The following RGS7 variants were observed in gnomAD, a reference collection of about 807,000 sequenced individuals.
RGS7 encodes regulator of G-protein signaling 7.
RGS7 carries 27 observed loss-of-function variants against 81.1 expected under a neutral mutation model. That is an observed-to-expected ratio of 0.33 (90% CI 0.25 to 0.46). The LOEUF is 0.46. Ranked by LOEUF, RGS7 falls within the 20% of genes least tolerant of loss-of-function variation. The pLI, the probability that RGS7 is intolerant of heterozygous loss-of-function variation, is 1.00. For missense variants in RGS7, 396 were observed against 607.4 expected, an observed-to-expected ratio of 0.65 and a Z score of 3.66; for synonymous variants, 208 against 207.7, an observed-to-expected ratio of 1.00 and a Z score of -0.01.
Position 240,923,045 on chromosome 1 carries a change from C to A in RGS7, c.385+7672G>T, listed in dbSNP as rs189958193. ...AAAAGCAATGAAATATCCTGCCATG[C>A]AAAGACATGGAGAAACTATAACAAA... On this transcript the variant is annotated intron_variant, in intron 6 of 18. Coordinates refer to ENST00000440928, the MANE Select transcript of RGS7 (RefSeq NM_001364886.1). Among the ~76,000 whole-genome samples the A allele has an allele frequency of 2.4e-4, 37 of 152,100 alleles. 1 individual carries two copies. The East Asian group carries it at 2.9e-3, about 12-fold the overall frequency.
At chr1:240,912,505 G>A (rs1291459795) in intron 6 of RGS7, among the ~76,000 whole-genome samples, 1 of 152,040 alleles carries the variant, frequency 6.6e-6, no homozygotes, top group Non-Finnish European at 1.5e-5. Context: ...ATTGTCACAG[G>A]CAAGTCAGGG....
intron 14 of RGS7, among the ~76,000 whole-genome samples, chr1:240,807,788 A>G (rs1424080376): frequency 1.3e-5 from 2 of 152,100 alleles, no homozygotes; most frequent in Non-Finnish European, 2.9e-5. Context: ...TAATCCCAGC[A>G]CTTTGGGAGG....
chr1:240,831,460 C>T (rs906271271), intron 9 of RGS7, among the ~76,000 whole-genome samples: 2 of 152,010 alleles, frequency 1.3e-5, no homozygotes, highest in East Asian at 1.9e-4. Flanking sequence ...ATCTAATTGT[C>T]GGATCTTGTG....
intron 2 of RGS7, among the ~76,000 whole-genome samples, chr1:241,217,266 AC>A (rs1250178384): frequency 6.6e-6 from 1 of 151,908 alleles, no homozygotes; most frequent in Non-Finnish European, 1.5e-5. Flanking sequence ...CCAGGAAGGG[AC>A]CCCCTCACCA....
At chr1:241,212,660 A>G (rs945212595) in intron 2 of RGS7, among the ~76,000 whole-genome samples, 2 of 152,136 alleles carry the variant, frequency 1.3e-5, no homozygotes, top group Non-Finnish European at 2.9e-5. Context: ...ATTCAGACCC[A>G]TCTCTCATTT....
rs1254122311 is a variant in RGS7 at position 241,163,908 on chromosome 1, T to C, written c.79-65146A>G. Among the ~76,000 whole-genome samples, 3 of 152,182 alleles carry C rather than the reference T, an allele frequency of 2.0e-5. No homozygotes were observed. Among genetic ancestry groups the C allele is most frequent in the African/African-American group, 7.2e-5 (3 of 41,456 alleles). On this transcript the variant is annotated intron_variant, in intron 2 of 18. Coordinates refer to ENST00000440928, the MANE Select transcript of RGS7 (RefSeq NM_001364886.1). The surrounding 1 kb of genome is among the most constrained non-coding windows in gnomAD (Gnocchi z 4.6). ...AATTCAGTTCCACTCTGACACTCTC[T>C]TCCTGGAGATAGCGTCAGATCCCAC... is the stretch of plus-strand genomic sequence containing the variant.
At chr1:241,228,024 GA>G (rs893228248) in intron 2 of RGS7, among the ~76,000 whole-genome samples, 3 of 152,176 alleles carry the variant, frequency 2.0e-5, no homozygotes, top group Non-Finnish European at 4.4e-5. Context: ...AGGTGGTGGT[GA>G]AAGTGACACT....
At chr1:241,175,128 G>A (rs965641686) in intron 2 of RGS7, among the ~76,000 whole-genome samples, 12 of 151,814 alleles carry the variant, frequency 7.9e-5, no homozygotes, top group Non-Finnish European at 1.6e-4. Context: ...GGTCTCGAAT[G>A]CCTGACCTCG....
In RGS7 at chr1:240,778,593, C is replaced by T. The variant is rs149051208; in HGVS notation, c.*7-2380G>A. ...CCGTCGTCAGGCTGAAGTGCAGTGG[C>T]GAAATCTCGGCTCACTGCAACCTGC... On this transcript the variant is annotated intron_variant, in intron 18 of 18. Coordinates refer to ENST00000440928, the MANE Select transcript of RGS7 (RefSeq NM_001364886.1). Among the ~76,000 whole-genome samples the T allele has an allele frequency of 3.6e-3, 546 of 152,272 alleles. 3 individuals carry two copies. Among genetic ancestry groups the T allele is most frequent in the African/African-American group, 0.012 (497 of 41,568 alleles).
chr1:241,264,006 T>C (rs1297397274), intron 2 of RGS7, among the ~76,000 whole-genome samples: 1 of 152,186 alleles, frequency 6.6e-6, no homozygotes, highest in East Asian at 1.9e-4. Flanking sequence ...TTATAAGAAA[T>C]AATTGATAAT....
At chr1:241,160,213 G>T (rs1363487731) in intron 2 of RGS7, among the ~76,000 whole-genome samples, 1 of 151,648 alleles carries the variant, frequency 6.6e-6, no homozygotes, top group Non-Finnish European at 1.5e-5. Context: ...CTTTGGAAAA[G>T]AAATATTCCA....
chr1:241,319,928 T>C (rs1399234501), intron 2 of RGS7, among the ~76,000 whole-genome samples: 2 of 151,848 alleles, frequency 1.3e-5, no homozygotes, highest in Admixed American at 6.6e-5. Flanking sequence ...CCGTCTCTAC[T>C]AAAAATGCAA....
chr1:240,940,994 T>G (rs1180511157), intron 4 of RGS7, among the ~76,000 whole-genome samples: 1 of 152,238 alleles, frequency 6.6e-6, no homozygotes, highest in African/African-American at 2.4e-5. Context: ...CCTTCCTTTT[T>G]TGAGGTACAA....
intron 2 of RGS7, among the ~76,000 whole-genome samples, chr1:241,135,599 G>A (rs1256795529): frequency 6.6e-6 from 1 of 152,102 alleles, no homozygotes; most frequent in Non-Finnish European, 1.5e-5. Flanking sequence ...GGTTTACCTA[G>A]GGAGAAAGGA....
chr1:241,039,250 G>A lies in RGS7; in HGVS notation c.176-56121C>T, dbSNP rs536404545. 9.8e-5 allele frequency among the ~76,000 whole-genome samples: 15 copies of A among 152,306 alleles called. No individual in the cohort carries two copies. In the East Asian group the frequency reaches 2.9e-3, roughly 29 times the overall value. ...CTTTTCCTAATTGGAATTTATTAGT[G>A]TGCTTAACCTTTCTCTACTGTGGGA... is the stretch of plus-strand genomic sequence containing the variant. On this transcript the variant is annotated intron_variant, in intron 3 of 18. Coordinates refer to ENST00000440928, the MANE Select transcript of RGS7 (RefSeq NM_001364886.1).
At chr1:241,041,848 G>T (rs1257458607) in intron 3 of RGS7, among the ~76,000 whole-genome samples, 1 of 145,192 alleles carries the variant, frequency 6.9e-6, no homozygotes, top group African/African-American at 2.9e-5. Flanking sequence ...CTACCTTTGA[G>T]AACTAGGTTC....
intron 2 of RGS7, among the ~76,000 whole-genome samples, chr1:241,304,555 G>T (rs1255824191): frequency 6.6e-6 from 1 of 152,056 alleles, no homozygotes; most frequent in Non-Finnish European, 1.5e-5. Flanking sequence ...GCTACAGCTG[G>T]GTATAAAAGC....
At chr1:241,089,057 CTCTCTCTATATATATATATATATA>C (rs1274334022) in intron 3 of RGS7, among the ~76,000 whole-genome samples, 1 of 48,632 alleles carries the variant, frequency 2.1e-5, no homozygotes, top group African/African-American at 1.1e-4. Context: ...CTCTCTCTCT[CTCTCTCTATATATATATATATATA>C]TATATATATA....
At chr1:241,000,512 C>T (rs1687966163) in intron 3 of RGS7, among the ~76,000 whole-genome samples, 1 of 152,252 alleles carries the variant, frequency 6.6e-6, no homozygotes, top group Admixed American at 6.5e-5. Flanking sequence ...TTACTCATGT[C>T]TTCAATGTGA....
Sources: gnomAD v4.1 joint callset for allele counts (sites outside exome capture counted in the v4.1 genomes callset) on GRCh38, gnomAD v4.1.1 for gene constraint, Gnocchi (gnomAD v3.1) non-coding constraint, MANE v1.5 for transcripts, NCBI Gene and HGNC (gene_info 2026-07-23, HGNC 2026-07-21) for gene names.